Variants in BLTP2 observed in about 807,000 individuals in gnomAD.
BLTP2 encodes the protein bridge-like lipid transfer protein family member 2.
At chr17:28,640,250 G>C in the BLTP2 span, 17 of 512,972 alleles carry the variant, frequency 3.3e-5, no homozygotes, top group South Asian at 3.3e-4. Context: ...AAAATTAGCC[G>C]GGCGTGGTGG....
chr17:28,620,955 T>A, the BLTP2 span: 1 of 1,589,024 alleles, frequency 6.3e-7, no homozygotes, highest in South Asian at 1.1e-5. Flanking sequence ...ATTTCTCTAG[T>A]CCCTTCCTAA....
chr17:28,621,255 C>T, the BLTP2 span: 1 of 1,491,142 alleles, frequency 6.7e-7, no homozygotes, highest in Admixed American at 1.7e-5. Flanking sequence ...TCAGAAACTC[C>T]AGAAACACTG....
At chr17:28,636,304 C>A in the BLTP2 span, among the ~76,000 whole-genome samples, 1 of 152,164 alleles carries the variant, frequency 6.6e-6, no homozygotes, top group African/African-American at 2.4e-5. Context: ...CTAAGAGGGT[C>A]CCATGTCCAT....
the BLTP2 span, chr17:28,619,992 C>T: frequency 6.2e-7 from 1 of 1,613,614 alleles, no homozygotes; most frequent in Non-Finnish European, 8.5e-7. Context: ...GGAACCTGAC[C>T]CGTTGCTTCT....
the BLTP2 span, chr17:28,621,598 C>T: frequency 2.5e-6 from 2 of 792,756 alleles, no homozygotes; most frequent in South Asian, 2.8e-5. Flanking sequence ...GTTACACTTA[C>T]TATCTGGACC....
chr17:28,631,491 G>A, the BLTP2 span: 2 of 1,613,994 alleles, frequency 1.2e-6, no homozygotes, highest in Non-Finnish European at 1.7e-6. Flanking sequence ...CCTCAGCTGT[G>A]CGATTGCTAT....
the BLTP2 span, chr17:28,637,782 C>T: frequency 5.8e-6 from 9 of 1,558,674 alleles, no homozygotes; most frequent in South Asian, 1.1e-4. Flanking sequence ...AGTGATTCTC[C>T]TGCCTCAGTC....
At chr17:28,624,060 T>TTACC in the BLTP2 span, 1 of 1,407,278 alleles carries the variant, frequency 7.1e-7, no homozygotes, top group South Asian at 1.3e-5. Context: ...TAATGCTGGC[T>TTACC]TACCAAGTAA....
At chr17:28,632,050 T>G in the BLTP2 span, 1 of 1,612,006 alleles carries the variant, frequency 6.2e-7, no homozygotes, top group Non-Finnish European at 8.5e-7. Context: ...GTGCCTTACC[T>G]GCAGCTGGGG....
the BLTP2 span, chr17:28,619,731 G>A: frequency 6.2e-7 from 1 of 1,613,884 alleles, no homozygotes; most frequent in Non-Finnish European, 8.5e-7. Context: ...GAAGCTTCTG[G>A]TTCAGGTCAA....
chr17:28,618,036 G>T, the BLTP2 span, among the ~76,000 whole-genome samples: 1 of 149,012 alleles, frequency 6.7e-6, no homozygotes, highest in Non-Finnish European at 1.5e-5. Context: ...AGGTTCAAAC[G>T]ATTCTCCTGC....
chr17:28,634,901 G>A, the BLTP2 span: 1 of 1,613,910 alleles, frequency 6.2e-7, no homozygotes, highest in Non-Finnish European at 8.5e-7. Flanking sequence ...TCCTTCATCA[G>A]CTCGTAGTTA....
At chr17:28,638,223 G>A in the BLTP2 span, 5 of 1,606,274 alleles carry the variant, frequency 3.1e-6, no homozygotes, top group African/African-American at 2.7e-5. Flanking sequence ...AAGCTGTGCA[G>A]GCCCCTATTC....
chr17:28,631,521 G>A, the BLTP2 span: 1 of 1,614,080 alleles, frequency 6.2e-7, no homozygotes, highest in East Asian at 2.2e-5. Flanking sequence ...AGGTGAGGGA[G>A]GACAAGCTCA....
chr17:28,617,406 G>A, the BLTP2 span: 1 of 948,496 alleles, frequency 1.1e-6, no homozygotes, highest in Non-Finnish European at 1.7e-6. Flanking sequence ...TTTGTTTTCA[G>A]GCTCTACATA....
chr17:28,619,617 G>A, the BLTP2 span: 2 of 1,611,996 alleles, frequency 1.2e-6, no homozygotes, highest in Non-Finnish European at 1.7e-6. Context: ...CTCTAGCTGG[G>A]GCACTGGAAA....
chr17:28,644,324 C>T, the BLTP2 span: 5 of 933,260 alleles, frequency 5.4e-6, no homozygotes, highest in Non-Finnish European at 8.0e-6. Flanking sequence ...TCCAAAGCAC[C>T]ACTCTGTCAT....
chr17:28,636,533 CCAGAG>C, the BLTP2 span, among the ~76,000 whole-genome samples: 1 of 151,918 alleles, frequency 6.6e-6, no homozygotes, highest in Non-Finnish European at 1.5e-5. Flanking sequence ...CAAAATAATC[CCAGAG>C]CCTGAGGCAG....
At chr17:28,614,984 G>A in the BLTP2 span, 70 of 1,357,932 alleles carry the variant, frequency 5.2e-5, no homozygotes, top group Non-Finnish European at 6.5e-5. Flanking sequence ...CGTGGATAAC[G>A]GGAAGCCCCT....
Sources: allele counts gnomAD v4.1 joint callset (sites outside exome capture counted in the v4.1 genomes callset), GRCh38; gene constraint gnomAD v4.1.1; transcripts MANE v1.5; gene names NCBI Gene and HGNC (gene_info 2026-07-23, HGNC 2026-07-21).